The following PLA1A variants were observed in gnomAD, a reference collection of about 807,000 sequenced individuals.
PLA1A encodes the protein phospholipase A1 member A, also known as phosphatidylserine-specific phospholipase A1alpha.
PLA1A carries 47 observed loss-of-function variants against 49.4 expected under a neutral mutation model. That is an observed-to-expected ratio of 0.95 (90% confidence interval 0.75 to 1.21). The LOEUF is 1.21. Among genes scored for constraint, PLA1A ranks in the 50% most tolerant of loss-of-function variants. The pLI is 0.00. For missense variants in PLA1A, 561 were observed against 563.9 expected (o/e 0.99, Z 0.05); for synonymous variants, 224 against 207.9 (o/e 1.08, Z -0.67).
chr3:119,601,423 C>T (rs997054505), intron 1 of PLA1A, among the ~76,000 whole-genome samples: 1 of 152,174 alleles, frequency 6.6e-6, no homozygotes, highest in African/African-American at 2.4e-5. Context: ...CCTTCTCTAA[C>T]ACTTCTTCAG....
chr3:119,602,931 G>A (rs992899058), intron 1 of PLA1A, among the ~76,000 whole-genome samples: 2 of 152,174 alleles, frequency 1.3e-5, no homozygotes, highest in Non-Finnish European at 2.9e-5. Context: ...TAAGGGAAAT[G>A]CATTCCAGGC....
At chr3:119,602,367 A>C (rs1355097887) in intron 1 of PLA1A, among the ~76,000 whole-genome samples, 2 of 152,066 alleles carry the variant, frequency 1.3e-5, no homozygotes, top group Non-Finnish European at 2.9e-5. Flanking sequence ...TTCTTGACTA[A>C]GTTTTGGTAA....
At position 119,628,585 on chromosome 3, in the gene PLA1A, C is replaced by A. The variant is rs564115886; in HGVS notation, c.1122-116C>A. The A allele has an allele frequency of 8.3e-6, 7 of 839,430 alleles. No individual in the cohort carries two copies. In the African/African-American group the frequency reaches 1.2e-4, roughly 14 times the overall value. 52.0% of individuals were successfully genotyped at this position (839,430 alleles called of 1,614,324 possible). A position where few individuals can be genotyped will look rare whatever the true frequency, so the allele number is the denominator to read the frequency against. ...ACAAAGGACTGTGGTAAGGAGCTAA[C>A]CCCTTGGTGCATGACAGCCAACCAG... On this transcript the variant is annotated intron_variant, in intron 9 of 10. Transcript: ENST00000273371.
chr3:119,622,666 A>C (rs1441745144), intron 8 of PLA1A, among the ~76,000 whole-genome samples: 3 of 152,162 alleles, frequency 2.0e-5, no homozygotes, highest in African/African-American at 4.8e-5. Flanking sequence ...GTACAGGTAG[A>C]GTAGAGGCGA....
chr3:119,617,598 T>C (rs185762986), intron 6 of PLA1A, among the ~76,000 whole-genome samples: 7 of 151,892 alleles, frequency 4.6e-5, no homozygotes, highest in Non-Finnish European at 2.9e-5. Context: ...CAAAAATTTG[T>C]GAGGCATGGT....
At chr3:119,619,980 G>A (rs2082906669) in intron 8 of PLA1A, 1 of 450,412 alleles carries the variant, frequency 2.2e-6, no homozygotes, top group Non-Finnish European at 4.4e-6. Flanking sequence ...CCACTTCTTG[G>A]CGCCCACCCT....
chr3:119,629,628 A>AG lies in PLA1A; in HGVS notation c.*163dup, dbSNP rs1480032811. The AG allele has an allele frequency of 8.5e-6, 5 of 587,238 alleles. No individual in the cohort carries two copies. The Middle Eastern group carries it at 1.1e-3, about 129-fold the overall frequency. The allele number at this position is 587,238 out of a possible 1,614,324, so 36.4% of individuals were successfully genotyped here. On this transcript the variant is annotated 3_prime_UTR_variant, in exon 11 of 11. Transcript: ENST00000273371. ...CTCATAATCAGCTACCCTGGAGGGG[A>AG]GGGAGAACTCATTTTACAGAACTTG...
At position 119,606,820 on chromosome 3, in the gene PLA1A, C is replaced by A; in HGVS notation, c.120C>A (p.Ser40Arg). 6.2e-7 allele frequency: 1 copy of A among 1,614,122 alleles called. No individual in the cohort carries two copies. Among genetic ancestry groups the A allele is most frequent in the Non-Finnish European group, 8.5e-7 (1 of 1,180,006 alleles). ...TPQPKCADFQ[S>R]ANLFEGTDLK... ...AGCCAAAGTGCGCTGACTTCCAGAG[C>A]GCCAACCTTTTTGAAGGCACCGATC... The change falls in exon 2 of 11, where the codon AGC becomes AGA. Residue 40 changes from serine to arginine, a missense_variant. By Grantham distance (110) the Ser-to-Arg change is moderately radical. Coordinates refer to ENST00000273371, the MANE Select transcript of PLA1A (RefSeq NM_015900.4).
At chr3:119,627,023 G>A (rs1444629522) in intron 9 of PLA1A, among the ~76,000 whole-genome samples, 1 of 152,182 alleles carries the variant, frequency 6.6e-6, no homozygotes, top group Non-Finnish European at 1.5e-5. Context: ...CACCTGGAGA[G>A]CTTTAAAAAA....
chr3:119,618,499 TCTTCATAGACCCTAAATCTATGACC>T (rs978298465), intron 7 of PLA1A, among the ~76,000 whole-genome samples: 2 of 152,206 alleles, frequency 1.3e-5, no homozygotes, highest in South Asian at 2.1e-4. Flanking sequence ...ATTCTCCAGT[TCTTCATAGACCCTAAATCTATGACC>T]CTTCATAGAC....
intron 1 of PLA1A, among the ~76,000 whole-genome samples, chr3:119,598,221 T>A (rs2082567807): frequency 1.3e-5 from 2 of 152,048 alleles, no homozygotes; most frequent in Non-Finnish European, 2.9e-5. Context: ...AAAGCCCACA[T>A]AAAAAAACCC....
chr3:119,608,989 A>T, intron 3 of PLA1A, 42 bp downstream of exon 3: 1 of 1,529,344 alleles, frequency 6.5e-7, no homozygotes, highest in Non-Finnish European at 9.0e-7. Flanking sequence ...GCTGCGTATG[A>T]GGAGAGAGGG....
intron 1 of PLA1A, among the ~76,000 whole-genome samples, chr3:119,599,840 C>T (rs2082594020): frequency 6.6e-6 from 1 of 152,180 alleles, no homozygotes; most frequent in Non-Finnish European, 1.5e-5. Context: ...CTCTTCCTTT[C>T]CCACCTTAAC....
rs565767103 is a variant in PLA1A at position 119,604,518 on chromosome 3, A to G, written c.74-2256A>G. On this transcript the variant is annotated intron_variant, in intron 1 of 10. Transcript: ENST00000273371. ...AGTGAAATAAGCCAAGCACAGGAAGACAAATATCACATTTTCACACATATG... is the reference window on the plus strand; with the variant it reads ...AGTGAAATAAGCCAAGCACAGGAAGGCAAATATCACATTTTCACACATATG... Among the ~76,000 whole-genome samples the G allele has an allele frequency of 4.7e-4, 71 of 152,352 alleles. 1 individual carries two copies. Among genetic ancestry groups the G allele is most frequent in the Non-Finnish European group, 7.5e-4 (51 of 68,032 alleles).
chr3:119,628,917 A>G, intron 10 of PLA1A, 52 bp downstream of exon 10: 1 of 1,444,538 alleles, frequency 6.9e-7, no homozygotes, highest in African/African-American at 1.4e-5. Flanking sequence ...ATCAAAGACC[A>G]GTCTTGGCAT....
At chr3:119,625,781 CT>C (rs1462258447) in intron 9 of PLA1A, among the ~76,000 whole-genome samples, 1 of 152,182 alleles carries the variant, frequency 6.6e-6, no homozygotes, top group Non-Finnish European at 1.5e-5. Flanking sequence ...TAGTCATTCC[CT>C]TCCTTTGTTG....
rs772183592 is a variant in PLA1A, at chr3:119,609,481, C to A, written c.467C>A (p.Ser156Ter). 1 of 1,609,728 alleles carries A rather than the reference C, an allele frequency of 6.2e-7. No individual in the cohort carries two copies. Residue 156 changes from serine (S) to a stop codon, truncating the protein, a stop_gained, in exon 4 of 11, where the codon TCG becomes TAG. Coordinates refer to ENST00000273371, the MANE Select transcript of PLA1A (RefSeq NM_015900.4). LOFTEE classifies it high-confidence loss of function. ...CTGCTCTTCTAGGTGCTGGGTGTGT[C>A]GGAATCCTCAATCCACATCATTGGT... ...FLNKLLVLGV[S>*]ESSIHIIGVS...
chr3:119,623,658 C>T (rs1311948142), intron 8 of PLA1A, among the ~76,000 whole-genome samples: 2 of 151,362 alleles, frequency 1.3e-5, no homozygotes, highest in African/African-American at 2.4e-5. Context: ...TTCCCTGACG[C>T]TGGGTGTGTG....
At chr3:119,609,264 G>A (rs1369878382) in intron 3 of PLA1A, among the ~76,000 whole-genome samples, 1 of 152,168 alleles carries the variant, frequency 6.6e-6, no homozygotes, top group Non-Finnish European at 1.5e-5. Flanking sequence ...ACCAAAAGGA[G>A]AGTAAGGGGG....
Sources: allele counts gnomAD v4.1 joint callset (sites outside exome capture counted in the v4.1 genomes callset), GRCh38; gene constraint gnomAD v4.1.1; transcripts MANE v1.5; gene names NCBI Gene and HGNC (gene_info 2026-07-23, HGNC 2026-07-21).